Variants in ACTR3C observed in about 807,000 individuals in gnomAD.
ACTR3C encodes actin related protein 3C.
Under a neutral mutation model 26.3 loss-of-function variants are expected in ACTR3C, and 18 were observed. The ratio of observed to expected loss-of-function variants is 0.68; its 90% CI spans 0.47 to 1.01. The LOEUF (loss-of-function observed/expected upper bound fraction) is 1.01. Ranked by LOEUF, ACTR3C falls within the 50% of genes least tolerant of loss-of-function variation. The pLI, the probability that ACTR3C is intolerant of heterozygous loss-of-function variation, is 0.00. For synonymous variants in ACTR3C, 55 were observed against 94.5 expected, an observed-to-expected ratio of 0.58 and a Z score of 2.42; for missense variants, 184 against 250.7, an observed-to-expected ratio of 0.73 and a Z score of 1.80.
At chr7:149,969,172 G>C in the ACTR3C span, among the ~76,000 whole-genome samples, 1,017 of 152,272 alleles carry the variant, frequency 6.7e-3, 4 homozygotes, top group Middle Eastern at 0.017. Context: ...GAAAGGGAAC[G>C]CTGTCTTCGT....
chr7:149,922,480 A>G, the ACTR3C span, among the ~76,000 whole-genome samples: 8 of 148,432 alleles, frequency 5.4e-5, no homozygotes, highest in African/African-American at 1.7e-4. Context: ...CTATTCATCC[A>G]TCAGCTCCTA....
the ACTR3C span, among the ~76,000 whole-genome samples, chr7:149,921,796 G>C: frequency 1.3e-5 from 2 of 151,978 alleles, no homozygotes; most frequent in African/African-American, 4.8e-5. Flanking sequence ...AGAATGGCTT[G>C]AACCCAGGAG....
the ACTR3C span, among the ~76,000 whole-genome samples, chr7:150,056,120 C>T: frequency 2.1e-4 from 32 of 152,064 alleles, no homozygotes; most frequent in Admixed American, 3.3e-4. Flanking sequence ...TTAGGTAGAT[C>T]GGTAGCTTTT....
chr7:150,159,210 T>C, the ACTR3C span, among the ~76,000 whole-genome samples: 1 of 152,122 alleles, frequency 6.6e-6, no homozygotes, highest in Non-Finnish European at 1.5e-5. Flanking sequence ...AAGGAGCCAG[T>C]GGGAAGCCTG....
chr7:150,217,001 A>G, the ACTR3C span, among the ~76,000 whole-genome samples: 1 of 142,992 alleles, frequency 7.0e-6, no homozygotes, highest in Non-Finnish European at 1.5e-5. Context: ...AAAAAAAAAG[A>G]GGCTGTGGTA....
chr7:149,896,920 G>A, the ACTR3C span, among the ~76,000 whole-genome samples: 1 of 151,872 alleles, frequency 6.6e-6, no homozygotes, highest in Non-Finnish European at 1.5e-5. Flanking sequence ...AATTAGCCAG[G>A]CATGGGGGCA....
Position 150,289,431 on chromosome 7 carries a change from G to A in ACTR3C, c.297+19C>T, listed in dbSNP as rs1483348277. 5.1e-6 allele frequency: 8 copies of A among 1,565,034 alleles called. No homozygotes were observed. The South Asian group carries it at 6.2e-5, about 12-fold the overall frequency. On this transcript the variant is annotated intron_variant, in intron 4 of 7. Coordinates refer to ENST00000683684, the MANE Select transcript of ACTR3C (RefSeq NM_001164458.2). Reference sequence around the variant, plus strand: ...ATCTCTCTCACCCCCAAACCAGCCGGTTTCCCATCTGTTTTTACCTTAATG... The same window carrying A: ...ATCTCTCTCACCCCCAAACCAGCCGATTTCCCATCTGTTTTTACCTTAATG...
the ACTR3C span, among the ~76,000 whole-genome samples, chr7:150,012,112 C>T: frequency 3.3e-5 from 5 of 152,080 alleles, no homozygotes; most frequent in African/African-American, 1.2e-4. Flanking sequence ...AAAGAACATT[C>T]CAGATGGAGA....
At chr7:149,977,043 C>T in the ACTR3C span, among the ~76,000 whole-genome samples, 1 of 151,586 alleles carries the variant, frequency 6.6e-6, no homozygotes, top group South Asian at 2.1e-4. Flanking sequence ...ATTTCTCGTG[C>T]GTTTCAAGAT....
chr7:150,039,807 CTG>C, the ACTR3C span, among the ~76,000 whole-genome samples: 49 of 135,776 alleles, frequency 3.6e-4, no homozygotes, highest in Non-Finnish European at 5.7e-4. Flanking sequence ...CTCTCAGTCC[CTG>C]CCTCGCGGGG....
the ACTR3C span, among the ~76,000 whole-genome samples, chr7:150,159,556 A>G: frequency 6.6e-6 from 1 of 152,064 alleles, no homozygotes; most frequent in Admixed American, 6.6e-5. Flanking sequence ...GCTCAGTCTC[A>G]GGGCATTTAA....
chr7:150,087,798 A>T, the ACTR3C span, among the ~76,000 whole-genome samples: 1 of 152,246 alleles, frequency 6.6e-6, no homozygotes, highest in East Asian at 1.9e-4. Flanking sequence ...AATTTTAAAT[A>T]TTCAGATTCT....
the ACTR3C span, among the ~76,000 whole-genome samples, chr7:150,163,850 A>G: frequency 2.6e-5 from 4 of 151,956 alleles, no homozygotes; most frequent in African/African-American, 4.8e-5. Context: ...AGATGCCCCA[A>G]TGGATTGGGG....
the ACTR3C span, among the ~76,000 whole-genome samples, chr7:150,137,964 A>T: frequency 6.6e-6 from 1 of 152,212 alleles, no homozygotes; most frequent in East Asian, 1.9e-4. Context: ...ACATGGGTGG[A>T]TGATAGTACC....
chr7:150,109,240 T>TACTAAAA, the ACTR3C span, among the ~76,000 whole-genome samples: 2 of 151,988 alleles, frequency 1.3e-5, no homozygotes, highest in African/African-American at 2.4e-5. Context: ...TTAGAATAGT[T>TACTAAAA]ACTAAAAACC....
chr7:149,911,544 T>C, the ACTR3C span, among the ~76,000 whole-genome samples: 2 of 151,678 alleles, frequency 1.3e-5, no homozygotes, highest in South Asian at 2.1e-4. Flanking sequence ...GAAGGACCAA[T>C]ATTTGCAAGA....
the ACTR3C span, among the ~76,000 whole-genome samples, chr7:149,894,601 GAAGACATAC>G: frequency 6.6e-6 from 1 of 152,020 alleles, no homozygotes; most frequent in Admixed American, 6.5e-5. Flanking sequence ...TTTCTCAAAA[GAAGACATAC>G]AAATGGCCAA....
chr7:150,028,451 T>C, the ACTR3C span, among the ~76,000 whole-genome samples: 28 of 152,406 alleles, frequency 1.8e-4, no homozygotes, highest in South Asian at 5.2e-3. Context: ...TAATTTCCAA[T>C]CATCAGACTT....
At chr7:150,034,344 C>T in the ACTR3C span, among the ~76,000 whole-genome samples, 2 of 151,696 alleles carry the variant, frequency 1.3e-5, no homozygotes, top group African/African-American at 4.8e-5. Flanking sequence ...CATCTTTTCT[C>T]TCTCTGACGC....
Sources: gnomAD v4.1 joint callset for allele counts (sites outside exome capture counted in the v4.1 genomes callset) on GRCh38, gnomAD v4.1.1 for gene constraint, MANE v1.5 for transcripts, NCBI Gene and HGNC (gene_info 2026-07-23, HGNC 2026-07-21) for gene names.